The following KCNH5 variants were observed in gnomAD, a reference collection of about 807,000 sequenced individuals.
KCNH5 encodes potassium voltage-gated channel subfamily H member 5.
KCNH5 carries 46 observed loss-of-function variants against 96.1 expected under a neutral mutation model. The observed-to-expected ratio is 0.48, with a 90% CI of 0.38 to 0.61. The LOEUF is 0.61. Ranked by LOEUF, KCNH5 falls within the 20% of genes least tolerant of loss-of-function variation. The pLI is 0.00. For missense variants in KCNH5, 907 were observed against 1,225.8 expected, an observed-to-expected ratio of 0.74 and a Z score of 3.88; for synonymous variants, 439 against 449.8, an observed-to-expected ratio of 0.98 and a Z score of 0.30.
intron 7 of KCNH5, among the ~76,000 whole-genome samples, chr14:62,913,455 T>C (rs1889211320): frequency 6.6e-6 from 1 of 152,194 alleles, no homozygotes; most frequent in South Asian, 2.1e-4. Context: ...CTCAAACTCC[T>C]GACTTCATGA....
chr14:62,762,731 G>A (rs1367968325), intron 10 of KCNH5, among the ~76,000 whole-genome samples: 2 of 151,412 alleles, frequency 1.3e-5, no homozygotes, highest in African/African-American at 4.9e-5. Context: ...CAAACACAGA[G>A]GTGGCTATTC....
chr14:62,955,593 G>A (rs954236762), intron 6 of KCNH5, among the ~76,000 whole-genome samples: 27 of 152,270 alleles, frequency 1.8e-4, no homozygotes, highest in Admixed American at 3.9e-4. Context: ...CATTCTGAAA[G>A]TCTCTATACC....
chr14:62,940,790 A>G (rs1490309855), intron 7 of KCNH5, among the ~76,000 whole-genome samples: 2 of 152,224 alleles, frequency 1.3e-5, no homozygotes, highest in African/African-American at 2.4e-5. Context: ...AGGCTGAACT[A>G]GGCAAACATT....
intron 7 of KCNH5, among the ~76,000 whole-genome samples, chr14:62,921,294 C>T (rs1396961781): frequency 2.0e-5 from 3 of 152,016 alleles, no homozygotes; most frequent in African/African-American, 7.2e-5. Context: ...GAGCTAAAAA[C>T]CTGTAACTTT....
At chr14:62,758,818 G>A (rs1170108188) in intron 10 of KCNH5, among the ~76,000 whole-genome samples, 1 of 152,228 alleles carries the variant, frequency 6.6e-6, no homozygotes, top group African/African-American at 2.4e-5. Flanking sequence ...GGAGAGTCAT[G>A]TGGAGCTGGA....
intron 10 of KCNH5, among the ~76,000 whole-genome samples, chr14:62,710,072 T>G (rs528975824): frequency 6.6e-6 from 1 of 152,322 alleles, no homozygotes; most frequent in East Asian, 1.9e-4. Flanking sequence ...CCATTTACTA[T>G]CTTTTGAATA....
chr14:62,988,380 A>C (rs1005274354), intron 4 of KCNH5, among the ~76,000 whole-genome samples: 1 of 148,466 alleles, frequency 6.7e-6, no homozygotes, highest in Admixed American at 6.7e-5. Context: ...ATGATATGAC[A>C]AAAAAAAAAT....
intron 8 of KCNH5, among the ~76,000 whole-genome samples, chr14:62,825,306 A>C (rs934202326): frequency 6.6e-6 from 1 of 151,906 alleles, no homozygotes; most frequent in African/African-American, 2.4e-5. Flanking sequence ...GTTGTTTTTG[A>C]CTTTTTAATT....
intron 7 of KCNH5, among the ~76,000 whole-genome samples, chr14:62,920,039 G>A (rs1889350647): frequency 6.6e-6 from 1 of 152,090 alleles, no homozygotes; most frequent in Non-Finnish European, 1.5e-5. Context: ...TTTATACAGT[G>A]CATGAGAGTT....
chr14:62,908,569 C>T (rs955795067), intron 7 of KCNH5, among the ~76,000 whole-genome samples: 2 of 152,040 alleles, frequency 1.3e-5, no homozygotes, highest in African/African-American at 4.8e-5. Flanking sequence ...TAGGAGACAG[C>T]ACCTAAACAA....
intron 7 of KCNH5, among the ~76,000 whole-genome samples, chr14:62,885,879 G>A (rs1005904478): frequency 6.6e-6 from 1 of 152,150 alleles, no homozygotes; most frequent in African/African-American, 2.4e-5. Context: ...AATATACAGT[G>A]TTAATTGTTT....
chr14:63,026,945 A>G (rs1382236721), intron 1 of KCNH5, among the ~76,000 whole-genome samples: 2 of 152,114 alleles, frequency 1.3e-5, no homozygotes, highest in Non-Finnish European at 2.9e-5. Context: ...AAGATATGGA[A>G]TCAACCTAAG....
chr14:62,767,474 A>C (rs1229339398), intron 10 of KCNH5, among the ~76,000 whole-genome samples: 1 of 152,244 alleles, frequency 6.6e-6, no homozygotes, highest in Non-Finnish European at 1.5e-5. Flanking sequence ...ATATATACAC[A>C]CTGGAATACT....
intron 10 of KCNH5, among the ~76,000 whole-genome samples, chr14:62,776,610 G>T (rs1886101465): frequency 6.6e-6 from 1 of 152,104 alleles, no homozygotes; most frequent in South Asian, 2.1e-4. Context: ...GTTGAGATTG[G>T]CCCACAAATC....
At chr14:62,794,014 TA>T (rs1447893796) in intron 9 of KCNH5, among the ~76,000 whole-genome samples, 1 of 152,000 alleles carries the variant, frequency 6.6e-6, no homozygotes, top group Non-Finnish European at 1.5e-5. Context: ...GAGTGGAATG[TA>T]ACATCCCTAT....
At chr14:62,937,705 T>C (rs1364478095) in intron 7 of KCNH5, among the ~76,000 whole-genome samples, 1 of 152,224 alleles carries the variant, frequency 6.6e-6, no homozygotes, top group Non-Finnish European at 1.5e-5. Flanking sequence ...ACATTCATTT[T>C]AGGGGCAGCT....
At position 62,975,297 on chromosome 14, in the gene KCNH5, T is replaced by C. The variant is rs182004082; in HGVS notation, c.942+5575A>G. On this transcript the variant is annotated intron_variant, in intron 6 of 10. Coordinates refer to ENST00000322893, the MANE Select transcript of KCNH5 (RefSeq NM_139318.5). Reference sequence around the variant, plus strand: ...ATTAATTAAAGCTGCTTGGGAATGATGCAGGCAGGCTTCCTGAAAGAAATA... The same window carrying C: ...ATTAATTAAAGCTGCTTGGGAATGACGCAGGCAGGCTTCCTGAAAGAAATA... Among the ~76,000 whole-genome samples, 241 of 152,302 alleles carry C rather than the reference T, an allele frequency of 1.6e-3. 2 individuals carry two copies. The highest frequency in any genetic ancestry group is 1.5e-3 in the Non-Finnish European group (103 of 68,024).
intron 6 of KCNH5, among the ~76,000 whole-genome samples, chr14:62,961,304 A>G (rs1890200853): frequency 6.6e-6 from 1 of 152,112 alleles, no homozygotes; most frequent in Non-Finnish European, 1.5e-5. Context: ...CCTTAAAAAT[A>G]TATTCTTTCT....
intron 10 of KCNH5, 51 bp downstream of exon 10, chr14:62,779,677 T>C: frequency 6.9e-7 from 1 of 1,443,660 alleles, no homozygotes; most frequent in East Asian, 2.3e-5. Flanking sequence ...TAGAGCTGAA[T>C]TAATTAATAC....
Sources: gnomAD v4.1 joint callset for allele counts (sites outside exome capture counted in the v4.1 genomes callset) on GRCh38, gnomAD v4.1.1 for gene constraint, MANE v1.5 for transcripts, NCBI Gene and HGNC (gene_info 2026-07-23, HGNC 2026-07-21) for gene names.